The following TULP4 variants were observed in gnomAD, a reference collection of about 807,000 sequenced individuals.
TULP4 encodes the protein tubby-related protein 4.
A neutral mutation model predicts 129.0 loss-of-function variants in TULP4; 16 were observed. The ratio of observed to expected loss-of-function variants is 0.12; its 90% CI spans 0.08 to 0.19. The LOEUF (loss-of-function observed/expected upper bound fraction) is 0.19. Ranked by LOEUF, TULP4 falls within the 10% of genes least tolerant of loss-of-function variation. TULP4 has a pLI of 1.00. For missense variants in TULP4, 1,842 were observed against 2,059.1 expected (o/e 0.89, Z 2.04); for synonymous variants, 998 against 854.0 (o/e 1.17, Z -2.94).
chr6:158,317,397 A>G (rs1210346963), intron 1 of TULP4, among the ~76,000 whole-genome samples: 1 of 137,772 alleles, frequency 7.3e-6, no homozygotes, highest in Non-Finnish European at 1.5e-5. Context: ...GTTCCCACCT[A>G]TGAGTGAGAA....
At position 158,502,680 on chromosome 6, in the gene TULP4, G is replaced by T. The variant is rs771020319; in HGVS notation, c.3017G>T (p.Arg1006Leu). The T allele has an allele frequency of 5.8e-6, 9 of 1,557,870 alleles. No individual in the cohort carries two copies. Among genetic ancestry groups the T allele is most frequent in the Non-Finnish European group, 7.8e-6 (9 of 1,157,068 alleles). ...ATGGCCCAGCTGGCCGACAGCCCGC[G>T]GGCCCCCCTGCAGCCCCTGGCCAAG... ...LKMAQLADSP[R>L]APLQPLAKSK... The change falls in exon 13 of 14, where the codon CGG becomes CTG. Residue 1006 changes from arginine (R) to leucine (L), a missense_variant. Arg to Leu is a moderately radical substitution (Grantham distance 102). Transcript: ENST00000367097.
At chr6:158,318,276 A>G (rs1304650110) in intron 1 of TULP4, among the ~76,000 whole-genome samples, 1 of 152,204 alleles carries the variant, frequency 6.6e-6, no homozygotes, top group African/African-American at 2.4e-5. Context: ...CCTGGGTAAC[A>G]TAGTGAGACC....
chr6:158,496,689 C>G (rs1780345612), intron 11 of TULP4, among the ~76,000 whole-genome samples: 1 of 152,204 alleles, frequency 6.6e-6, no homozygotes, highest in Non-Finnish European at 1.5e-5. Flanking sequence ...AAGCTGAGAA[C>G]TTAGCCATCT....
chr6:158,348,616 T>C (rs986109594), intron 1 of TULP4, among the ~76,000 whole-genome samples: 24 of 151,836 alleles, frequency 1.6e-4, no homozygotes, highest in Non-Finnish European at 3.1e-4. Flanking sequence ...CTCTTTCTTT[T>C]CCCCACATTT....
chr6:158,246,409 G>A (rs1054226219), intron 1 of TULP4, among the ~76,000 whole-genome samples: 3 of 151,608 alleles, frequency 2.0e-5, no homozygotes, highest in Non-Finnish European at 4.4e-5. Context: ...GGAGAATGGC[G>A]TGAACCCAGG....
chr6:158,363,365 T>C (rs560594494), intron 1 of TULP4, among the ~76,000 whole-genome samples: 1 of 152,248 alleles, frequency 6.6e-6, no homozygotes, highest in South Asian at 2.1e-4. Flanking sequence ...TGTTACATCT[T>C]TGAGGGTTAA....
rs188072200 is a variant in TULP4 at position 158,420,903 on chromosome 6, T to C, written c.381+7710T>C. Among the ~76,000 whole-genome samples, 8 of 152,342 alleles carry C rather than the reference T, an allele frequency of 5.3e-5. No individual in the cohort carries two copies. In the East Asian group the frequency reaches 1.5e-3, roughly 29 times the overall value. ...AAAACATGTCAACAAAGCGTCGAACTCTGTAAAATATTTGAAGAGATTTAT... is the reference window on the plus strand; with the variant it reads ...AAAACATGTCAACAAAGCGTCGAACCCTGTAAAATATTTGAAGAGATTTAT... On this transcript the variant is annotated intron_variant, in intron 2 of 13. Coordinates refer to ENST00000367097, the MANE Select transcript of TULP4 (RefSeq NM_020245.5).
chr6:158,327,195 A>G (rs139736463), intron 1 of TULP4, among the ~76,000 whole-genome samples: 94 of 152,322 alleles, frequency 6.2e-4, no homozygotes, highest in Middle Eastern at 6.8e-3. Flanking sequence ...AAAATTGACT[A>G]TTATTACTCT....
chr6:158,463,575 A>G (rs550368123), intron 6 of TULP4, among the ~76,000 whole-genome samples: 28 of 151,906 alleles, frequency 1.8e-4, no homozygotes, highest in Middle Eastern at 3.4e-3. Context: ...CAGCACGCCA[A>G]CGTGGCACAT....
At chr6:158,406,393 G>A (rs1777978103) in intron 1 of TULP4, among the ~76,000 whole-genome samples, 1 of 152,088 alleles carries the variant, frequency 6.6e-6, no homozygotes, top group African/African-American at 2.4e-5. Context: ...AAGAAGTGAT[G>A]AGGAAAAATG....
chr6:158,279,703 C>T (rs995506237), upstream of TULP4, among the ~76,000 whole-genome samples: 1 of 152,230 alleles, frequency 6.6e-6, no homozygotes, highest in Non-Finnish European at 1.5e-5. Context: ...TAATTGGGAA[C>T]GTGTCCTTGG....
rs140606786 is a variant in TULP4, at chr6:158,470,581, C to A, written c.1026+8852C>A. ...GTTTAAAGGTGGATGCGGTCACCTT[C>A]CAAGCTAGGCTTAGGGATTCTTAGT... On this transcript the variant is annotated intron_variant, in intron 6 of 13. Transcript: ENST00000367097. 5.9e-3 allele frequency among the ~76,000 whole-genome samples: 898 copies of A among 152,354 alleles called. 3 individuals are homozygous for A. The highest frequency in any genetic ancestry group is 0.01 in the Middle Eastern group (3 of 294).
At chr6:158,354,213 G>A (rs146457444) in intron 1 of TULP4, among the ~76,000 whole-genome samples, 52 of 46,588 alleles carry the variant, frequency 1.1e-3, no homozygotes, top group African/African-American at 3.3e-3. Context: ...CTTGGAGGAA[G>A]GTATTTAATA....
chr6:158,491,137 A>G (rs1326259777), intron 9 of TULP4, among the ~76,000 whole-genome samples: 2 of 152,186 alleles, frequency 1.3e-5, no homozygotes, highest in Non-Finnish European at 2.9e-5. Context: ...GTAAATCCCT[A>G]CCAGCAATTT....
intron 1 of TULP4, among the ~76,000 whole-genome samples, chr6:158,403,052 A>G (rs553497794): frequency 2.1e-4 from 32 of 152,226 alleles, no homozygotes; most frequent in Non-Finnish European, 4.4e-4. Context: ...TGATACTGGA[A>G]AACTTGTGGG....
intron 1 of TULP4, among the ~76,000 whole-genome samples, chr6:158,386,031 G>A (rs12199906): frequency 6.6e-6 from 1 of 151,664 alleles, no homozygotes; most frequent in Non-Finnish European, 1.5e-5. Context: ...TTTTTGTAGA[G>A]ACAGGGTCTC....
At chr6:158,341,896 T>C (rs1351104529) in intron 1 of TULP4, among the ~76,000 whole-genome samples, 1 of 152,348 alleles carries the variant, frequency 6.6e-6, no homozygotes, top group East Asian at 1.9e-4. Flanking sequence ...TCCTTTGCAG[T>C]GCAGAAGCTT....
At chr6:158,325,701 G>A (rs556147260) in intron 1 of TULP4, among the ~76,000 whole-genome samples, 86 of 152,204 alleles carry the variant, frequency 5.7e-4, no homozygotes, top group Admixed American at 1.6e-3. Context: ...TTTGAATAAG[G>A]AACCTTTCTA....
chr6:158,435,995 A>G (rs1386110965), intron 3 of TULP4, among the ~76,000 whole-genome samples: 8 of 151,192 alleles, frequency 5.3e-5, no homozygotes, highest in Admixed American at 4.6e-4. Flanking sequence ...GCTCACTGCA[A>G]CCTCCGCCTC....
Sources: allele counts gnomAD v4.1 joint callset (sites outside exome capture counted in the v4.1 genomes callset), GRCh38; gene constraint gnomAD v4.1.1; transcripts MANE v1.5; gene names NCBI Gene and HGNC (gene_info 2026-07-23, HGNC 2026-07-21).